Variants in NRXN1 observed in about 807,000 individuals in gnomAD.
NRXN1 encodes neurexin 1.
In NRXN1, 39 loss-of-function variants were observed where a neutral mutation model predicts 150.9. The observed-to-expected ratio is 0.26, with a 90% CI of 0.20 to 0.34. The LOEUF (loss-of-function observed/expected upper bound fraction) is 0.34. Ranked by LOEUF, NRXN1 falls within the 10% of genes least tolerant of loss-of-function variation. The pLI, the probability that NRXN1 is intolerant of heterozygous loss-of-function variation, is 1.00. For synonymous variants in NRXN1, 924 were observed against 757.0 expected (o/e 1.22, Z -3.62); for missense variants, 1,815 against 1,949.9 (o/e 0.93, Z 1.30).
chr2:50,573,924 G>A (rs1424527278), intron 8 of NRXN1, among the ~76,000 whole-genome samples: 1 of 151,974 alleles, frequency 6.6e-6, no homozygotes, highest in Non-Finnish European at 1.5e-5. Flanking sequence ...TTAACATAAG[G>A]GACCTGAGTA....
At chr2:50,946,736 A>G (rs1406707515) in intron 2 of NRXN1, among the ~76,000 whole-genome samples, 1 of 152,208 alleles carries the variant, frequency 6.6e-6, no homozygotes, top group Non-Finnish European at 1.5e-5. Context: ...AAAAAACGCA[A>G]GACTTATTCC....
At chr2:50,663,485 C>T (rs1158589896) in intron 5 of NRXN1, among the ~76,000 whole-genome samples, 1 of 151,900 alleles carries the variant, frequency 6.6e-6, no homozygotes, top group Non-Finnish European at 1.5e-5. Flanking sequence ...CCTATGGAAC[C>T]TTTAAATTGG....
chr2:50,466,666 A>G (rs911851332), intron 16 of NRXN1, among the ~76,000 whole-genome samples: 2 of 151,770 alleles, frequency 1.3e-5, no homozygotes, highest in Non-Finnish European at 2.9e-5. Context: ...AGAGAAGCCA[A>G]AAATGAGAAA....
At chr2:50,977,655 A>G (rs994276846) in intron 2 of NRXN1, among the ~76,000 whole-genome samples, 1 of 151,852 alleles carries the variant, frequency 6.6e-6, no homozygotes, top group African/African-American at 2.4e-5. Flanking sequence ...CCTACCCTCT[A>G]CTGACCTATT....
chr2:50,154,121 T>G (rs576903493), intron 18 of NRXN1, among the ~76,000 whole-genome samples: 2 of 151,904 alleles, frequency 1.3e-5, no homozygotes, highest in African/African-American at 4.8e-5. Flanking sequence ...ATTGTCTATA[T>G]AAAAAGACAG....
At chr2:50,751,301 A>G (rs1470401045) in intron 5 of NRXN1, among the ~76,000 whole-genome samples, 1 of 152,068 alleles carries the variant, frequency 6.6e-6, no homozygotes, top group Non-Finnish European at 1.5e-5. Context: ...TTGTGAACAG[A>G]TACACTTCTG....
At chr2:50,436,407 A>G (rs1016966294) in intron 17 of NRXN1, among the ~76,000 whole-genome samples, 4 of 152,012 alleles carry the variant, frequency 2.6e-5, no homozygotes, top group Non-Finnish European at 5.9e-5. Context: ...GGGCCGAGAT[A>G]GTGCTATTGC....
chr2:50,015,700 C>T (rs1686477147), intron 21 of NRXN1, among the ~76,000 whole-genome samples: 1 of 151,908 alleles, frequency 6.6e-6, no homozygotes, highest in African/African-American at 2.4e-5. Flanking sequence ...TTGCCTATTA[C>T]CTTAAACCAC....
At chr2:50,915,788 A>G (rs1281169900) in intron 5 of NRXN1, among the ~76,000 whole-genome samples, 1 of 151,236 alleles carries the variant, frequency 6.6e-6, no homozygotes, top group Non-Finnish European at 1.5e-5. Flanking sequence ...CCTTATTGTC[A>G]CCATTAATAA....
At chr2:50,975,546 C>T (rs887052598) in intron 2 of NRXN1, among the ~76,000 whole-genome samples, 8 of 152,124 alleles carry the variant, frequency 5.3e-5, no homozygotes, top group East Asian at 1.9e-4. Flanking sequence ...CATCTAAGTC[C>T]CCTAAATATA....
chr2:50,666,034 T>C (rs1262884735), intron 5 of NRXN1, among the ~76,000 whole-genome samples: 1 of 151,950 alleles, frequency 6.6e-6, no homozygotes, highest in Non-Finnish European at 1.5e-5. Flanking sequence ...TTTTCGAGCC[T>C]CTTTGTAACC....
At chr2:50,558,642 G>T (rs76738033) in intron 8 of NRXN1, among the ~76,000 whole-genome samples, 2,410 of 152,280 alleles carry the variant, frequency 0.016, 86 homozygotes, top group East Asian at 0.12. Context: ...ATGTCATTTA[G>T]AATGTAACAA....
At chr2:50,071,206 T>C (rs1179228952) in intron 19 of NRXN1, among the ~76,000 whole-genome samples, 1 of 152,346 alleles carries the variant, frequency 6.6e-6, no homozygotes, top group East Asian at 1.9e-4. Context: ...TATCTAATAC[T>C]TTTTCTGAAG....
At chr2:50,631,149 GT>G (rs779451953) in intron 5 of NRXN1, 37 of 433,780 alleles carry the variant, frequency 8.5e-5, no homozygotes, top group African/African-American at 7.6e-4. Context: ...CGTAATATAT[GT>G]TGTAAAATAT....
At chr2:50,899,240 C>T (rs910038138) in intron 5 of NRXN1, among the ~76,000 whole-genome samples, 2 of 152,100 alleles carry the variant, frequency 1.3e-5, no homozygotes, top group East Asian at 1.9e-4. Context: ...TTGAATTAGC[C>T]GGATTCCACC....
intron 5 of NRXN1, among the ~76,000 whole-genome samples, chr2:50,861,999 C>G (rs192106786): frequency 1.8e-3 from 278 of 151,872 alleles, no homozygotes; most frequent in Non-Finnish European, 3.6e-3. Context: ...GTCACGAGTT[C>G]AAGACCAGCC....
rs70948710 is a variant in NRXN1, at chr2:50,447,737, TTATATATATA to T, written c.3364+17695_3364+17704del. On this transcript the variant is annotated intron_variant, in intron 17 of 22. Transcript: ENST00000401669. ...AAATCACATAGTAAGCAGGGGAACG[TTATATATATA>T]TATATATATATATATATATATATAT... is the stretch of plus-strand genomic sequence containing the variant. Among the ~76,000 whole-genome samples the T allele has an allele frequency of 1.8e-3, 69 of 37,930 alleles. 1 individual carries two copies. Among genetic ancestry groups the T allele is most frequent in the Middle Eastern group, 0.029 (2 of 70 alleles). 24.9% of individuals were successfully genotyped at this position (37,930 alleles called of 152,430 possible).
At chr2:50,298,808 G>A (rs1486666641) in intron 17 of NRXN1, among the ~76,000 whole-genome samples, 1 of 152,086 alleles carries the variant, frequency 6.6e-6, no homozygotes, top group Non-Finnish European at 1.5e-5. Flanking sequence ...TATATTCCTT[G>A]CCTCTTGCAA....
chr2:50,905,418 G>C (rs1421498875), intron 5 of NRXN1, among the ~76,000 whole-genome samples: 1 of 152,100 alleles, frequency 6.6e-6, no homozygotes, highest in Non-Finnish European at 1.5e-5. Context: ...AGAGCCTAGG[G>C]AAAATTTGGA....
Sources: gnomAD v4.1 joint callset for allele counts (sites outside exome capture counted in the v4.1 genomes callset) on GRCh38, gnomAD v4.1.1 for gene constraint, MANE v1.5 for transcripts, NCBI Gene and HGNC (gene_info 2026-07-23, HGNC 2026-07-21) for gene names.